The following CTNNA2 variants were observed in gnomAD, a reference collection of about 807,000 sequenced individuals.
The protein encoded by CTNNA2 is catenin alpha 2.
Under a neutral mutation model 101.0 loss-of-function variants are expected in CTNNA2, and 42 were observed. That is an observed-to-expected ratio of 0.42 (90% confidence interval 0.32 to 0.54). CTNNA2 has a LOEUF of 0.54. Among genes scored for constraint, CTNNA2 ranks in the 20% least tolerant of loss-of-function variants. The probability of loss-of-function intolerance (pLI) is 0.14; values close to 1 mark genes in which losing one functional copy is unlikely to be tolerated. For synonymous variants in CTNNA2, 450 were observed against 456.4 expected, an observed-to-expected ratio of 0.99 and a Z score of 0.18; for missense variants, 871 against 1,223.1, an observed-to-expected ratio of 0.71 and a Z score of 4.29.
intron 4 of CTNNA2, among the ~76,000 whole-genome samples, chr2:79,457,316 C>T (rs900915619): frequency 6.6e-6 from 1 of 151,836 alleles, no homozygotes; most frequent in African/African-American, 2.4e-5. Context: ...TGAAATTTTC[C>T]CTTTCCAAAG....
intron 2 of CTNNA2, among the ~76,000 whole-genome samples, chr2:79,305,489 G>T (rs1162329157): frequency 1.3e-5 from 2 of 150,940 alleles, no homozygotes; most frequent in African/African-American, 2.4e-5. Context: ...GCATGGTATG[G>T]TATCTTTTCA....
At chr2:80,305,362 C>T (rs1303811906) in intron 7 of CTNNA2, 1 of 985,116 alleles carries the variant, frequency 1.0e-6, no homozygotes, top group East Asian at 1.1e-4. Context: ...GAGATCCCTC[C>T]GGGGCTTCAT....
intron 7 of CTNNA2, among the ~76,000 whole-genome samples, chr2:80,222,824 C>T (rs921825799): frequency 1.3e-5 from 2 of 152,128 alleles, no homozygotes; most frequent in Non-Finnish European, 2.9e-5. Flanking sequence ...GTTGGATTTG[C>T]AAATATGTAC....
chr2:79,249,471 C>T (rs986393639), intron 2 of CTNNA2, among the ~76,000 whole-genome samples: 6 of 152,158 alleles, frequency 3.9e-5, no homozygotes, highest in African/African-American at 1.4e-4. Flanking sequence ...AGTCTTATAA[C>T]TCAAATCTTC....
At position 79,482,128 on chromosome 2, in the gene CTNNA2, G is replaced by A. The variant is rs558867158; in HGVS notation, c.-134-22926G>A. On this transcript the variant is annotated intron_variant, in intron 4 of 21. Transcript: ENST00000466387. ...ACAATATTATAATGAATGCTATAAT[G>A]GATTTACTTCAGTGTCTATTTCAGT... Among the ~76,000 whole-genome samples the A allele has an allele frequency of 2.8e-4, 43 of 152,172 alleles. 1 individual carries two copies. The South Asian group carries it at 8.9e-3, about 32-fold the overall frequency.
chr2:80,602,619 C>T (rs1163959030), intron 15 of CTNNA2, among the ~76,000 whole-genome samples: 1 of 151,902 alleles, frequency 6.6e-6, no homozygotes, highest in Non-Finnish European at 1.5e-5. Flanking sequence ...TCCAAGTGTT[C>T]CTTAAAAAAT....
intron 6 of CTNNA2, among the ~76,000 whole-genome samples, chr2:79,889,910 A>C (rs1446486047): frequency 6.6e-6 from 1 of 152,204 alleles, no homozygotes; most frequent in East Asian, 1.9e-4. Flanking sequence ...GTCTGGCCAA[A>C]GCATAAAGCA....
intron 9 of CTNNA2, among the ~76,000 whole-genome samples, chr2:80,485,878 G>T (rs570033174): frequency 6.6e-6 from 1 of 152,072 alleles, no homozygotes. Flanking sequence ...TGTTTTAATG[G>T]TGTTTTATCT....
intron 1 of CTNNA2, among the ~76,000 whole-genome samples, chr2:79,535,704 A>C (rs997186656): frequency 1.3e-5 from 2 of 152,158 alleles, no homozygotes; most frequent in Non-Finnish European, 2.9e-5. Context: ...GAATGCTATC[A>C]GAATTTTAGC....
chr2:80,397,243 T>C (rs903526772), intron 8 of CTNNA2, among the ~76,000 whole-genome samples: 5 of 152,220 alleles, frequency 3.3e-5, no homozygotes, highest in Non-Finnish European at 7.3e-5. Context: ...TAAACTAATT[T>C]ATAACCCACT....
intron 7 of CTNNA2, among the ~76,000 whole-genome samples, chr2:79,925,286 G>A (rs946527181): frequency 5.9e-5 from 9 of 151,990 alleles, no homozygotes; most frequent in Admixed American, 2.6e-4. Flanking sequence ...TATTAGGTAT[G>A]TGACCCAATG....
intron 2 of CTNNA2, among the ~76,000 whole-genome samples, chr2:79,304,704 G>C (rs1170525350): frequency 6.6e-6 from 1 of 152,160 alleles, no homozygotes; most frequent in Non-Finnish European, 1.5e-5. Flanking sequence ...TATCTATTGT[G>C]GTTATAAAGA....
chr2:80,184,349 A>G (rs1183709155), intron 7 of CTNNA2, among the ~76,000 whole-genome samples: 1 of 152,196 alleles, frequency 6.6e-6, no homozygotes, highest in Admixed American at 6.5e-5. Context: ...AATAATAATA[A>G]TACTAACATT....
In CTNNA2 at chr2:79,345,383, C is replaced by T. The variant is rs6734522; in HGVS notation, c.-317-28448C>T. Among the ~76,000 whole-genome samples the T allele has an allele frequency of 2.5e-3, 377 of 152,248 alleles. 3 individuals carry two copies. Among genetic ancestry groups the T allele is most frequent in the African/African-American group, 8.5e-3 (354 of 41,556 alleles). On this transcript the variant is annotated intron_variant, in intron 3 of 21. Coordinates refer to the CTNNA2 transcript ENST00000466387. ...TTGTGGTTTGTTCTCTCATAGGCTACATTGATGGCTAACTTCCATTTCATA... is the reference window on the plus strand; with the variant it reads ...TTGTGGTTTGTTCTCTCATAGGCTATATTGATGGCTAACTTCCATTTCATA...
intron 4 of CTNNA2, among the ~76,000 whole-genome samples, chr2:79,434,143 A>T (rs1678687443): frequency 6.6e-6 from 1 of 152,012 alleles, no homozygotes; most frequent in Admixed American, 6.6e-5. Flanking sequence ...AAATACAAAA[A>T]AAAAATTATT....
At chr2:80,030,070 C>T (rs1347244580) in intron 7 of CTNNA2, among the ~76,000 whole-genome samples, 1 of 152,024 alleles carries the variant, frequency 6.6e-6, no homozygotes, top group Admixed American at 6.5e-5. Flanking sequence ...CTGAAAACAG[C>T]AAGCTCATGC....
chr2:80,514,320 C>T (rs1377059933), intron 9 of CTNNA2, among the ~76,000 whole-genome samples: 1 of 152,102 alleles, frequency 6.6e-6, no homozygotes, highest in Admixed American at 6.6e-5. Context: ...AGGTTGGGTG[C>T]CTGCGACCTC....
intron 7 of CTNNA2, among the ~76,000 whole-genome samples, chr2:79,926,356 A>G (rs1221616429): frequency 6.6e-6 from 1 of 152,180 alleles, no homozygotes; most frequent in African/African-American, 2.4e-5. Flanking sequence ...AGAAGAATAT[A>G]GATGTAATAT....
chr2:80,071,406 A>G (rs1051034532), intron 7 of CTNNA2, among the ~76,000 whole-genome samples: 5 of 152,148 alleles, frequency 3.3e-5, no homozygotes, highest in Non-Finnish European at 7.3e-5. Flanking sequence ...TTACTTTGAA[A>G]TGTAGATTTG....
Sources: gnomAD v4.1 joint callset for allele counts (sites outside exome capture counted in the v4.1 genomes callset) on GRCh38, gnomAD v4.1.1 for gene constraint, MANE v1.5 for transcripts, NCBI Gene and HGNC (gene_info 2026-07-23, HGNC 2026-07-21) for gene names.